IQCK: variants seen among roughly 807,000 people sequenced by gnomAD.
The protein encoded by IQCK is IQ domain-containing protein K.
Under a neutral mutation model 28.1 loss-of-function variants are expected in IQCK, and 29 were observed. That is an observed-to-expected ratio of 1.03 (90% confidence interval 0.77 to 1.41). IQCK has a LOEUF of 1.41. IQCK is among the 40% of genes most tolerant of loss of function. The probability of loss-of-function intolerance (pLI) is 0.00; values close to 1 mark genes in which losing one functional copy is unlikely to be tolerated. For missense variants in IQCK, 359 were observed against 314.7 expected (o/e 1.14, Z -1.07); for synonymous variants, 113 against 115.1 (o/e 0.98, Z 0.12).
intron 4 of IQCK, chr16:19,735,980 C>G (rs1978001457): frequency 2.5e-6 from 1 of 393,166 alleles, no homozygotes; most frequent in Non-Finnish European, 5.0e-6. Flanking sequence ...GCAGGAAGGC[C>G]CCTTGAGGCC....
intron 4 of IQCK, among the ~76,000 whole-genome samples, chr16:19,748,919 A>C (rs1470205860): frequency 2.6e-5 from 4 of 152,166 alleles, no homozygotes; most frequent in Non-Finnish European, 5.9e-5. Flanking sequence ...CAAAACAAAA[A>C]ACCAGCCCTG....
intron 4 of IQCK, among the ~76,000 whole-genome samples, chr16:19,760,924 A>G (rs2151706949): frequency 6.6e-6 from 1 of 152,268 alleles, no homozygotes; most frequent in East Asian, 1.9e-4. Flanking sequence ...TAGATGATCT[A>G]GGGTAACTTT....
chr16:19,848,019 A>G (rs2056433741), intron 9 of IQCK, among the ~76,000 whole-genome samples: 1 of 152,080 alleles, frequency 6.6e-6, no homozygotes, highest in African/African-American at 2.4e-5. Context: ...CGATGTAAAT[A>G]CTCACTTCAG....
chr16:19,722,357 G>C (rs576642392), intron 1 of IQCK, among the ~76,000 whole-genome samples: 236 of 152,224 alleles, frequency 1.6e-3, no homozygotes, highest in Admixed American at 2.9e-3. Flanking sequence ...TGCTATTCCA[G>C]GATCCTGCTT....
intron 4 of IQCK, among the ~76,000 whole-genome samples, chr16:19,754,417 C>T (rs2055025460): frequency 6.6e-6 from 1 of 152,138 alleles, no homozygotes; most frequent in Non-Finnish European, 1.5e-5. Flanking sequence ...TGGGTAGAGG[C>T]CATAAGACCG....
At chr16:19,852,281 A>C (rs1469027742) in intron 9 of IQCK, among the ~76,000 whole-genome samples, 1 of 152,314 alleles carries the variant, frequency 6.6e-6, no homozygotes, top group African/African-American at 2.4e-5. Flanking sequence ...AAACACATAT[A>C]ACAATAAATA....
At chr16:19,815,741 G>T (rs1284020352) in intron 7 of IQCK, among the ~76,000 whole-genome samples, 2 of 152,122 alleles carry the variant, frequency 1.3e-5, no homozygotes, top group African/African-American at 4.8e-5. Flanking sequence ...TGAAAAACTA[G>T]CTTTTGTTTT....
intron 9 of IQCK, among the ~76,000 whole-genome samples, chr16:19,836,286 C>T (rs534934974): frequency 6.6e-6 from 1 of 152,318 alleles, no homozygotes; most frequent in Admixed American, 6.5e-5. Flanking sequence ...CTAGTGACTT[C>T]ATGCCTTGGC....
chr16:19,842,194 G>A lies in IQCK; in HGVS notation c.803-14293G>A, dbSNP rs1193165161. Among the ~76,000 whole-genome samples the A allele has an allele frequency of 2.6e-5, 4 of 152,086 alleles. 1 individual carries two copies. The highest frequency in any genetic ancestry group is 4.1e-4 in the South Asian group (2 of 4,824). ...AGAGCAGTGTCTTTTCCCACTGAGT[G>A]GTGAAATCAATTAATGGGTTGCCAA... is the stretch of plus-strand genomic sequence containing the variant. On this transcript the variant is annotated intron_variant, in intron 9 of 9. Transcript: ENST00000320394.
chr16:19,755,865 T>C (rs999709253), intron 4 of IQCK, among the ~76,000 whole-genome samples: 1 of 152,214 alleles, frequency 6.6e-6, no homozygotes, highest in African/African-American at 2.4e-5. Flanking sequence ...GCATGACATA[T>C]ATCATTTCCA....
downstream of IQCK, among the ~76,000 whole-genome samples, chr16:19,831,120 A>G (rs2056227639): frequency 6.6e-6 from 1 of 152,204 alleles, no homozygotes; most frequent in African/African-American, 2.4e-5. Flanking sequence ...ACAGCAGAGG[A>G]GAGCCTGGGG....
intron 9 of IQCK, among the ~76,000 whole-genome samples, chr16:19,833,897 C>T (rs1488757941): frequency 6.6e-6 from 1 of 151,926 alleles, no homozygotes; most frequent in Non-Finnish European, 1.5e-5. Flanking sequence ...TCGAGACCAG[C>T]CTGGGCAACA....
intron 6 of IQCK, among the ~76,000 whole-genome samples, chr16:19,786,457 G>T (rs914292081): frequency 2.7e-5 from 4 of 147,578 alleles, no homozygotes; most frequent in Non-Finnish European, 5.9e-5. Flanking sequence ...CAGCACTTTG[G>T]GAGGCAGAGG....
At chr16:19,744,042 G>C (rs1207072094) in intron 4 of IQCK, among the ~76,000 whole-genome samples, 1 of 152,108 alleles carries the variant, frequency 6.6e-6, no homozygotes, top group Non-Finnish European at 1.5e-5. Flanking sequence ...GCATTGTGTG[G>C]TACATGGTTC....
At chr16:19,760,976 G>A (rs1338973068) in intron 4 of IQCK, among the ~76,000 whole-genome samples, 3 of 152,138 alleles carry the variant, frequency 2.0e-5, no homozygotes, top group African/African-American at 7.2e-5. Flanking sequence ...TGGTGCTGCT[G>A]GGAGTGTAGC....
At position 19,748,885 on chromosome 16, in the gene IQCK, G is replaced by A. The variant is rs182830577; in HGVS notation, c.474+13435G>A. On this transcript the variant is annotated intron_variant, in intron 4 of 7. Transcript: ENST00000564186. Reference sequence around the variant, plus strand: ...TAAGCAACTGCTAGAATCACATCCTGTAATGGAAAAAAACAAAACAAAACA... The same window carrying A: ...TAAGCAACTGCTAGAATCACATCCTATAATGGAAAAAAACAAAACAAAACA... Among the ~76,000 whole-genome samples the A allele has an allele frequency of 8.3e-4, 127 of 152,182 alleles. 1 individual carries two copies. The highest frequency in any genetic ancestry group is 3.0e-3 in the African/African-American group (123 of 41,532).
intron 4 of IQCK, among the ~76,000 whole-genome samples, chr16:19,741,883 A>C (rs1257099839): frequency 6.6e-6 from 1 of 152,110 alleles, no homozygotes. Flanking sequence ...GCTACTTGGG[A>C]GGCTGAGTCA....
At chr16:19,765,743 A>G (rs981212415) in intron 6 of IQCK, among the ~76,000 whole-genome samples, 23 of 152,186 alleles carry the variant, frequency 1.5e-4, no homozygotes, top group African/African-American at 5.3e-4. Context: ...TTTCTTATTT[A>G]GCTTTCAAAC....
intron 6 of IQCK, among the ~76,000 whole-genome samples, chr16:19,778,574 T>C (rs2055430100): frequency 6.6e-6 from 1 of 151,980 alleles, no homozygotes; most frequent in Non-Finnish European, 1.5e-5. Context: ...AGAGTATCAC[T>C]TGGACCTGGG....
Sources: allele counts gnomAD v4.1 joint callset (sites outside exome capture counted in the v4.1 genomes callset), GRCh38; gene constraint gnomAD v4.1.1; transcripts MANE v1.5; gene names NCBI Gene and HGNC (gene_info 2026-07-23, HGNC 2026-07-21).